RORA: variants seen among roughly 807,000 people sequenced by gnomAD.
The protein encoded by RORA is nuclear receptor ROR-alpha.
RORA carries 7 observed loss-of-function variants against 69.5 expected under a neutral mutation model. The ratio of observed to expected loss-of-function variants is 0.10; its 90% CI spans 0.06 to 0.19. The LOEUF (loss-of-function observed/expected upper bound fraction) is 0.19. Among genes scored for constraint, RORA ranks in the 10% least tolerant of loss-of-function variants. The pLI is 1.00. For missense variants in RORA, 457 were observed against 663.0 expected (o/e 0.69, Z 3.41); for synonymous variants, 261 against 240.8 (o/e 1.08, Z -0.78).
chr15:60,907,045 G>A (rs1174426209), intron 1 of RORA, among the ~76,000 whole-genome samples: 2 of 152,276 alleles, frequency 1.3e-5, no homozygotes, highest in South Asian at 2.1e-4. Context: ...GTTTGAACCC[G>A]ATTTTCTGAC....
At chr15:61,190,789 T>C (rs371236391) in intron 1 of RORA, among the ~76,000 whole-genome samples, 2 of 152,164 alleles carry the variant, frequency 1.3e-5, no homozygotes, top group East Asian at 3.8e-4. Flanking sequence ...AAAGGAGAAC[T>C]GACATATCAC....
At chr15:60,564,543 T>G (rs1567091052) in intron 2 of RORA, among the ~76,000 whole-genome samples, 1 of 152,242 alleles carries the variant, frequency 6.6e-6, no homozygotes, top group East Asian at 1.9e-4. Flanking sequence ...AAACTGAGGG[T>G]GACAAAAGAC....
At chr15:61,174,842 G>A (rs2079614017) in intron 1 of RORA, among the ~76,000 whole-genome samples, 3 of 152,100 alleles carry the variant, frequency 2.0e-5, no homozygotes, top group African/African-American at 4.8e-5. Flanking sequence ...ATGCATATCT[G>A]ACCCGCATAA....
intron 1 of RORA, among the ~76,000 whole-genome samples, chr15:60,710,091 G>A (rs977851747): frequency 6.6e-5 from 10 of 152,184 alleles, no homozygotes; most frequent in African/African-American, 2.4e-4. Flanking sequence ...AGGGCTGGAG[G>A]CCCGATAGGA....
intron 2 of RORA, among the ~76,000 whole-genome samples, chr15:60,661,275 A>G (rs951851066): frequency 2.6e-5 from 4 of 152,204 alleles, no homozygotes; most frequent in African/African-American, 9.6e-5. Flanking sequence ...TGGGCCAGGC[A>G]CAATCTGTAA....
chr15:60,979,278 T>A (rs61401858), intron 1 of RORA, among the ~76,000 whole-genome samples: 4 of 41,638 alleles, frequency 9.6e-5, no homozygotes, highest in African/African-American at 1.1e-4. Flanking sequence ...CTTTTTTTTT[T>A]TTTTTTTTTT....
intron 1 of RORA, among the ~76,000 whole-genome samples, chr15:61,130,670 A>G (rs142190912): frequency 1.1e-3 from 173 of 152,352 alleles, no homozygotes; most frequent in African/African-American, 4.1e-3. Flanking sequence ...AAAGGATTAA[A>G]TGAGAAAAAC....
chr15:60,936,660 G>C (rs74396535), intron 1 of RORA, among the ~76,000 whole-genome samples: 1 of 152,252 alleles, frequency 6.6e-6, no homozygotes, highest in Non-Finnish European at 1.5e-5. Context: ...GACGGGCACT[G>C]CCTGTGACCA....
chr15:60,903,116 A>G lies in RORA; in HGVS notation c.167-224430T>C, dbSNP rs2075168095. On this transcript the variant is annotated intron_variant, in intron 1 of 10. Coordinates refer to ENST00000335670, the MANE Select transcript of RORA (RefSeq NM_134261.3). Reference sequence around the variant, plus strand: ...TCTATTAGCTCAGAGGTGGCACTCCAGTGGTCAAGTCAACTGGCATTCATC... The same window carrying G: ...TCTATTAGCTCAGAGGTGGCACTCCGGTGGTCAAGTCAACTGGCATTCATC... 5.3e-5 allele frequency among the ~76,000 whole-genome samples: 8 copies of G among 152,164 alleles called. No homozygotes were observed. In the South Asian group the frequency reaches 1.7e-3, roughly 32 times the overall value.
At chr15:60,765,908 G>A (rs8040151) in intron 1 of RORA, among the ~76,000 whole-genome samples, 97,985 of 151,734 alleles carry the variant, frequency 0.65, 31,981 homozygotes, top group African/African-American at 0.69. Context: ...AGCTTCTAGT[G>A]AGAAGAATAA....
intron 1 of RORA, among the ~76,000 whole-genome samples, chr15:60,950,051 A>G (rs1595840327): frequency 1.3e-5 from 2 of 151,704 alleles, no homozygotes; most frequent in African/African-American, 4.8e-5. Context: ...AGGTCGGGTT[A>G]CCCTCAAAGG....
chr15:61,146,068 C>A (rs1418017500), intron 1 of RORA, among the ~76,000 whole-genome samples: 1 of 152,122 alleles, frequency 6.6e-6, no homozygotes, highest in Non-Finnish European at 1.5e-5. Context: ...ACAACCAATG[C>A]CACCAAAAAT....
At chr15:60,613,396 G>T (rs1307281813) in intron 2 of RORA, among the ~76,000 whole-genome samples, 2 of 152,102 alleles carry the variant, frequency 1.3e-5, no homozygotes, top group East Asian at 3.9e-4. Context: ...AGAAAGCCCG[G>T]TGACAAATTA....
intron 1 of RORA, among the ~76,000 whole-genome samples, chr15:61,001,813 T>C (rs1595870970): frequency 6.6e-6 from 1 of 152,322 alleles, no homozygotes; most frequent in East Asian, 1.9e-4. Context: ...AGGGGTTACT[T>C]CTATGTGGCC....
chr15:60,693,410 C>T (rs1385903732), intron 1 of RORA, among the ~76,000 whole-genome samples: 1 of 152,206 alleles, frequency 6.6e-6, no homozygotes, highest in Non-Finnish European at 1.5e-5. Context: ...TGCCCTCTCT[C>T]ACCACTCCTA....
intron 1 of RORA, among the ~76,000 whole-genome samples, chr15:61,122,171 A>C (rs981408320): frequency 3.9e-5 from 6 of 152,318 alleles, no homozygotes; most frequent in Middle Eastern, 3.4e-3. Context: ...TTCTTTCTTA[A>C]GCCAGGCTCT....
intron 1 of RORA, among the ~76,000 whole-genome samples, chr15:60,709,401 A>G (rs2071112214): frequency 6.6e-6 from 1 of 152,096 alleles, no homozygotes; most frequent in Admixed American, 6.6e-5. Flanking sequence ...GAGGATTAAC[A>G]CTCGAGCTCC....
chr15:60,696,654 T>C (rs150644046), intron 1 of RORA, among the ~76,000 whole-genome samples: 74 of 152,306 alleles, frequency 4.9e-4, no homozygotes, highest in African/African-American at 1.8e-3. Flanking sequence ...CACACTGCAA[T>C]GTATCCTGGC....
At chr15:60,602,027 G>A (rs768164341) in intron 2 of RORA, among the ~76,000 whole-genome samples, 73 of 152,140 alleles carry the variant, frequency 4.8e-4, no homozygotes, top group African/African-American at 1.6e-3. Flanking sequence ...CCTTAAGTAC[G>A]TAATAGTCTT....
Sources: gnomAD v4.1 joint callset for allele counts (sites outside exome capture counted in the v4.1 genomes callset) on GRCh38, gnomAD v4.1.1 for gene constraint, MANE v1.5 for transcripts, NCBI Gene and HGNC (gene_info 2026-07-23, HGNC 2026-07-21) for gene names.